Variants in TPRG1 observed in about 807,000 individuals in gnomAD.
TPRG1 encodes tumor protein p63 regulated 1, also known as tumor protein p63-regulated gene 1 protein.
TPRG1 carries 29 observed loss-of-function variants against 29.3 expected under a neutral mutation model. The observed-to-expected ratio is 0.99, with a 90% CI of 0.74 to 1.35. TPRG1 has a LOEUF of 1.35. Among genes scored for constraint, TPRG1 ranks in the 40% most tolerant of loss-of-function variants. The pLI is 0.00. For synonymous variants in TPRG1, 130 were observed against 116.8 expected (o/e 1.11, Z -0.73); for missense variants, 327 against 335.0 (o/e 0.98, Z 0.19).
intron 5 of TPRG1, among the ~76,000 whole-genome samples, chr3:189,317,716 CAA>C (rs1452569462): frequency 6.6e-6 from 1 of 152,156 alleles, no homozygotes; most frequent in Non-Finnish European, 1.5e-5. Context: ...GGACATATGA[CAA>C]TGTCCCAGTG....
chr3:189,214,279 C>T (rs759245237), intron 2 of TPRG1, among the ~76,000 whole-genome samples: 34 of 152,304 alleles, frequency 2.2e-4, no homozygotes, highest in Admixed American at 9.8e-4. Context: ...ATTAGTCTCA[C>T]TACTCAGTTA....
chr3:189,098,874 C>A (rs562785644), upstream of TPRG1, among the ~76,000 whole-genome samples: 1 of 152,122 alleles, frequency 6.6e-6, no homozygotes, highest in South Asian at 2.1e-4. Flanking sequence ...AACAACAATC[C>A]CTGAGAGTCC....
chr3:189,311,566 A>C (rs1011031046), intron 5 of TPRG1, among the ~76,000 whole-genome samples: 2 of 152,216 alleles, frequency 1.3e-5, no homozygotes, highest in African/African-American at 4.8e-5. Context: ...GGCTAGATGG[A>C]GTCTTCATTC....
In TPRG1 at chr3:189,284,353, C is replaced by A. The variant is rs887295770; in HGVS notation, c.480-26033C>A. On this transcript the variant is annotated intron_variant, in intron 4 of 5. Transcript: ENST00000345063. ...TCTCCTAATGCTATCCCTCCCCCCC[C>A]CTCCCCCCACCCCACAACAGGCCCT... Among the ~76,000 whole-genome samples, 16 of 118,204 alleles carry A rather than the reference C, an allele frequency of 1.4e-4. No individual in the cohort carries two copies. The South Asian group carries it at 4.0e-3, about 30-fold the overall frequency. 77.5% of individuals were successfully genotyped at this position (118,204 alleles called of 152,430 possible). A position where few individuals can be genotyped will look rare whatever the true frequency, so the allele number is the denominator to read the frequency against.
intron 1 of TPRG1, among the ~76,000 whole-genome samples, chr3:189,189,725 C>T (rs189925652): frequency 6.6e-6 from 1 of 152,310 alleles, no homozygotes. Context: ...GTTGAACTAG[C>T]ACATGAGGCC....
intron 4 of TPRG1, among the ~76,000 whole-genome samples, chr3:189,044,087 A>G (rs1714803053): frequency 6.6e-6 from 1 of 152,172 alleles, no homozygotes; most frequent in African/African-American, 2.4e-5. Flanking sequence ...AAATAAATGA[A>G]TATATAAAAA....
chr3:189,001,890 G>A (rs1712041325), intron 2 of TPRG1, among the ~76,000 whole-genome samples: 1 of 152,208 alleles, frequency 6.6e-6, no homozygotes, highest in African/African-American at 2.4e-5. Flanking sequence ...ATATGTGTGT[G>A]TTGCTGTTTT....
At chr3:189,148,022 C>G (rs1398128010) in intron 4 of TPRG1, among the ~76,000 whole-genome samples, 1 of 152,150 alleles carries the variant, frequency 6.6e-6, no homozygotes, top group Non-Finnish European at 1.5e-5. Context: ...AAAGTAGCAG[C>G]ATATAGGGAA....
intron 4 of TPRG1, among the ~76,000 whole-genome samples, chr3:189,302,101 T>G (rs1446077580): frequency 1.3e-5 from 2 of 152,196 alleles, no homozygotes; most frequent in African/African-American, 4.8e-5. Context: ...TTTCCTGTCT[T>G]CAAAGTACTT....
intron 5 of TPRG1, among the ~76,000 whole-genome samples, chr3:189,158,878 G>A (rs1369058237): frequency 6.6e-6 from 1 of 151,524 alleles, no homozygotes; most frequent in Non-Finnish European, 1.5e-5. Flanking sequence ...GTCTGAAGCT[G>A]TCCTCAAAAG....
At chr3:189,043,280 T>C (rs1714747304) in intron 4 of TPRG1, among the ~76,000 whole-genome samples, 1 of 152,158 alleles carries the variant, frequency 6.6e-6, no homozygotes, top group Non-Finnish European at 1.5e-5. Context: ...ATGATGGGGA[T>C]ACAGATTAAA....
At chr3:189,242,544 G>A (rs1034461909) in intron 4 of TPRG1, among the ~76,000 whole-genome samples, 6 of 152,026 alleles carry the variant, frequency 3.9e-5, no homozygotes, top group African/African-American at 1.4e-4. Flanking sequence ...TAATTTTTGT[G>A]CCTGTGTTCA....
intron 4 of TPRG1, among the ~76,000 whole-genome samples, chr3:189,032,180 C>T (rs1713967766): frequency 6.6e-6 from 1 of 152,130 alleles, no homozygotes; most frequent in Non-Finnish European, 1.5e-5. Context: ...CAAGAGTCTT[C>T]ACATGAGAGA....
chr3:189,190,699 G>T (rs1214610558), intron 1 of TPRG1, among the ~76,000 whole-genome samples: 2 of 152,124 alleles, frequency 1.3e-5, no homozygotes, highest in Non-Finnish European at 2.9e-5. Context: ...ATTGTGTAGA[G>T]TAAGCAGGCC....
In TPRG1 at chr3:189,321,564, ATTC is replaced by A. The variant is rs1255583651; in HGVS notation, c.*747_*749del. 1 of 151,986 alleles carries A rather than the reference ATTC, an allele frequency of 6.6e-6. No individual in the cohort carries two copies. The highest frequency in any genetic ancestry group is 1.5e-5 in the Non-Finnish European group (1 of 67,998). 9.4% of individuals were successfully genotyped at this position (151,986 alleles called of 1,614,324 possible). ...AATTGTTCATGTATTCCTCCTTTCC[ATTC>A]TTATAGCTGTATTATTAGATCAGGT... is the stretch of plus-strand genomic sequence containing the variant. On this transcript the variant is annotated 3_prime_UTR_variant, in exon 6 of 6. Transcript: ENST00000345063.
intron 3 of TPRG1, 103 bp downstream of exon 3, chr3:189,215,486 G>A: frequency 2.1e-6 from 2 of 958,456 alleles, no homozygotes; most frequent in Non-Finnish European, 3.2e-6. Context: ...TTCTCTGGTT[G>A]CTACATAAGA....
intron 3 of TPRG1, among the ~76,000 whole-genome samples, chr3:189,007,527 C>T (rs1712357289): frequency 1.3e-5 from 2 of 151,542 alleles, no homozygotes; most frequent in East Asian, 1.9e-4. Flanking sequence ...TACCATTTGA[C>T]CCAGCCATCC....
chr3:189,204,984 C>G (rs540582861), intron 1 of TPRG1, among the ~76,000 whole-genome samples: 9 of 151,978 alleles, frequency 5.9e-5, no homozygotes, highest in Admixed American at 5.9e-4. Flanking sequence ...CACATACACT[C>G]TTTCTCCTGC....
At chr3:189,235,140 G>A (rs942343247) in intron 3 of TPRG1, among the ~76,000 whole-genome samples, 10 of 151,608 alleles carry the variant, frequency 6.6e-5, no homozygotes, top group Non-Finnish European at 5.9e-5. Flanking sequence ...ACCAGGGTAA[G>A]GTTTTTGTAA....
Sources: gnomAD v4.1 joint callset for allele counts (sites outside exome capture counted in the v4.1 genomes callset) on GRCh38, gnomAD v4.1.1 for gene constraint, MANE v1.5 for transcripts, NCBI Gene and HGNC (gene_info 2026-07-23, HGNC 2026-07-21) for gene names.